The following ZC3H18 variants were observed in gnomAD, a reference collection of about 807,000 sequenced individuals.
ZC3H18 encodes the protein zinc finger CCCH-type containing 18.
In ZC3H18, 8 loss-of-function variants were observed where a neutral mutation model predicts 106.1. That is an observed-to-expected ratio of 0.08 (90% confidence interval 0.04 to 0.14). The LOEUF is 0.14. Among genes scored for constraint, ZC3H18 ranks in the 10% least tolerant of loss-of-function variants. ZC3H18 has a pLI of 1.00. For synonymous variants in ZC3H18, 635 were observed against 522.1 expected (o/e 1.22, Z -2.95); for missense variants, 1,318 against 1,278.4 (o/e 1.03, Z -0.47).
intron 8 of ZC3H18, among the ~76,000 whole-genome samples, chr16:88,615,613 C>G (rs1013610759): frequency 6.6e-6 from 1 of 152,210 alleles, no homozygotes; most frequent in Non-Finnish European, 1.5e-5. Context: ...TTTCCAGATT[C>G]ACAAAATAGG....
chr16:88,624,527 T>C, intron 11 of ZC3H18, 75 bp from the exon 12 acceptor site: 2 of 1,607,472 alleles, frequency 1.2e-6, no homozygotes, highest in Non-Finnish European at 1.7e-6. Context: ...GAGCTGTGGG[T>C]CCATTGAAAG....
At chr16:88,624,355 CT>C (rs2142816570) in intron 11 of ZC3H18, 2 of 675,832 alleles carry the variant, frequency 3.0e-6, no homozygotes. Flanking sequence ...GCTCTCCCCA[CT>C]GCCTGGCGGT....
rs367612793 is a variant in ZC3H18, at chr16:88,627,939, C to T, written c.2289C>T (p.Asp763=). The T allele has an allele frequency of 4.5e-5, 73 of 1,613,928 alleles. No homozygotes were observed. The Admixed American group carries it at 7.0e-4, about 15-fold the overall frequency. Residue 763 remains aspartate, a synonymous_variant, in exon 15 of 18, where the codon GAC becomes GAT. Coordinates refer to ENST00000301011, the MANE Select transcript of ZC3H18 (RefSeq NM_144604.4). The surrounding 1 kb of genome is among the most constrained non-coding windows in gnomAD (Gnocchi z 4.5). ...TGGTAGGAAAATCTAAGAAAGAAGA[C>T]GGTGTTAAAGAGGAAAAGCGGAAAA... ...RKEKGKSKKE[D]GVKEEKRKRD... is the part of the protein sequence containing the mutation.
At chr16:88,620,361 G>A (rs978559573) in intron 8 of ZC3H18, among the ~76,000 whole-genome samples, 1 of 152,174 alleles carries the variant, frequency 6.6e-6, no homozygotes, top group African/African-American at 2.4e-5. Context: ...GGCCAGGGTG[G>A]GAGGATCACT....
Position 88,631,550 on chromosome 16 carries a change from T to G in ZC3H18, c.*251T>G, listed in dbSNP as rs1906693001. ...GCTAGTGACCAGCACGGTTCTCATGTAAATTACAAGCCCCAGCCGCCAGCC... is the reference window on the plus strand; with the variant it reads ...GCTAGTGACCAGCACGGTTCTCATGGAAATTACAAGCCCCAGCCGCCAGCC... On this transcript the variant is annotated 3_prime_UTR_variant, in exon 18 of 18. Coordinates refer to ENST00000301011, the MANE Select transcript of ZC3H18 (RefSeq NM_144604.4). 1.6e-6 allele frequency: 1 copy of G among 606,634 alleles called. No individual in the cohort carries two copies. Among genetic ancestry groups the G allele is most frequent in the African/African-American group, 1.8e-5 (1 of 55,166 alleles). The allele number at this position is 606,634 out of a possible 1,614,324, so 37.6% of individuals were successfully genotyped here.
chr16:88,628,250 C>T, intron 15 of ZC3H18, 131 bp downstream of exon 15: 1 of 1,047,878 alleles, frequency 9.5e-7, no homozygotes, highest in East Asian at 2.6e-5. Flanking sequence ...GTCAGCACAG[C>T]CTGGGTAACA....
chr16:88,582,031 T>C (rs571744631), intron 2 of ZC3H18, among the ~76,000 whole-genome samples: 5 of 152,306 alleles, frequency 3.3e-5, no homozygotes, highest in East Asian at 1.9e-4. Context: ...TCTCCTCTTA[T>C]TGAGGACCTC....
intron 2 of ZC3H18, among the ~76,000 whole-genome samples, chr16:88,585,087 A>G (rs1915359099): frequency 6.6e-6 from 1 of 152,272 alleles, no homozygotes; most frequent in Non-Finnish European, 1.5e-5. Flanking sequence ...CTAAAAGACC[A>G]GAGAAGAGAG....
Position 88,611,154 on chromosome 16 carries a change from A to C in ZC3H18, c.1207-114A>C, listed in dbSNP as rs192975809. 230 of 686,372 alleles carry C rather than the reference A, an allele frequency of 3.4e-4. 4 individuals carry two copies. The East Asian group carries it at 3.8e-3, about 11-fold the overall frequency. 42.5% of individuals were successfully genotyped at this position (686,372 alleles called of 1,614,324 possible). On this transcript the variant is annotated intron_variant, in intron 7 of 17. Coordinates refer to ENST00000301011, the MANE Select transcript of ZC3H18 (RefSeq NM_144604.4). ...CGTTTTGTGTGTAGGTTTGTGGGGTACAGGTGTGATTCTGTGACACAGACA... is the reference window on the plus strand; with the variant it reads ...CGTTTTGTGTGTAGGTTTGTGGGGTCCAGGTGTGATTCTGTGACACAGACA...
intron 12 of ZC3H18, 105 bp downstream of exon 12, chr16:88,624,850 G>A (rs1906203046): frequency 4.9e-6 from 7 of 1,441,724 alleles, no homozygotes; most frequent in African/African-American, 2.9e-5. Context: ...GAGCCAGGTG[G>A]TGGGAAGCGC....
intron 1 of ZC3H18, among the ~76,000 whole-genome samples, chr16:88,574,900 GCTCA>G (rs1290730946): frequency 6.7e-6 from 1 of 149,842 alleles, no homozygotes; most frequent in African/African-American, 2.5e-5. Flanking sequence ...CGCGATCTCG[GCTCA>G]CTCCAAGCCC....
chr16:88,607,289 G>C (rs1044345051), intron 6 of ZC3H18, among the ~76,000 whole-genome samples: 1 of 152,204 alleles, frequency 6.6e-6, no homozygotes, highest in African/African-American at 2.4e-5. Flanking sequence ...AGGCTTTTTA[G>C]GATGTTTAAT....
At chr16:88,592,998 C>T (rs9935713) in intron 3 of ZC3H18, among the ~76,000 whole-genome samples, 1 of 151,996 alleles carries the variant, frequency 6.6e-6, no homozygotes, top group Non-Finnish European at 1.5e-5. Flanking sequence ...AAGCATATCC[C>T]TATGATAAAG....
chr16:88,614,152 A>G (rs568449567), intron 8 of ZC3H18, among the ~76,000 whole-genome samples: 1 of 152,320 alleles, frequency 6.6e-6, no homozygotes, highest in East Asian at 1.9e-4. Flanking sequence ...ATAAAAATCC[A>G]CATTTGGGCC....
intron 12 of ZC3H18, among the ~76,000 whole-genome samples, 187 bp downstream of exon 12, chr16:88,624,932 C>G (rs1906207353): frequency 6.6e-6 from 1 of 152,216 alleles, no homozygotes. Context: ...GCCTGTGTTT[C>G]TGGAGCGTGA....
At chr16:88,623,509 A>C in intron 10 of ZC3H18, 165 bp downstream of exon 10, 4 of 904,014 alleles carry the variant, frequency 4.4e-6, no homozygotes, top group Non-Finnish European at 6.5e-6. Context: ...CCCCCACCAA[A>C]CACCAGCCTT....
chr16:88,597,187 G>A lies in ZC3H18; in HGVS notation c.689-991G>A, dbSNP rs191209163. ...CCACCACGCCTGGCCTCCCAACTTC[G>A]TTTGACTTATGTGTGATCTCTGAAA... On this transcript the variant is annotated intron_variant, in intron 3 of 17. Transcript: ENST00000301011. Among the ~76,000 whole-genome samples the A allele has an allele frequency of 5.9e-5, 9 of 152,174 alleles. No individual in the cohort carries two copies. The South Asian group carries it at 1.2e-3, about 21-fold the overall frequency.
At chr16:88,579,427 G>A (rs1914971809) in intron 2 of ZC3H18, among the ~76,000 whole-genome samples, 1 of 152,166 alleles carries the variant, frequency 6.6e-6, no homozygotes. Context: ...TAAGAGGACT[G>A]GCTGCAGACC....
chr16:88,624,305 G>A, intron 11 of ZC3H18: 1 of 659,702 alleles, frequency 1.5e-6, no homozygotes, highest in Non-Finnish European at 2.6e-6. Flanking sequence ...TGGGGACACG[G>A]CAGCAGCCGG....
Sources: gnomAD v4.1 joint callset for allele counts (sites outside exome capture counted in the v4.1 genomes callset) on GRCh38, gnomAD v4.1.1 for gene constraint, Gnocchi (gnomAD v3.1) non-coding constraint, MANE v1.5 for transcripts, NCBI Gene and HGNC (gene_info 2026-07-23, HGNC 2026-07-21) for gene names.